The following AVEN variants were observed in gnomAD, a reference collection of about 807,000 sequenced individuals.
The protein encoded by AVEN is cell death regulator Aven.
Under a neutral mutation model 38.1 loss-of-function variants are expected in AVEN, and 41 were observed. That is an observed-to-expected ratio of 1.08 (90% CI 0.84 to 1.40). The LOEUF (loss-of-function observed/expected upper bound fraction) is 1.40, where lower values mean the gene tolerates loss of function less well. Ranked by LOEUF, AVEN falls within the 40% of genes most tolerant of loss-of-function variation. The pLI, the probability that AVEN is intolerant of heterozygous loss-of-function variation, is 0.00. For missense variants in AVEN, 605 were observed against 438.8 expected (o/e 1.38, Z -3.38); for synonymous variants, 206 against 171.8 (o/e 1.20, Z -1.56).
intron 2 of AVEN, among the ~76,000 whole-genome samples, chr15:33,923,557 T>A (rs1223463362): frequency 6.6e-6 from 1 of 152,224 alleles, no homozygotes; most frequent in East Asian, 1.9e-4. Context: ...CTCAACTAGC[T>A]GCTATAGTGC....
At chr15:34,005,067 C>T (rs1191557211) in intron 1 of AVEN, among the ~76,000 whole-genome samples, 1 of 152,014 alleles carries the variant, frequency 6.6e-6, no homozygotes, top group Non-Finnish European at 1.5e-5. Context: ...TATATAAAAA[C>T]CCCAAATTCC....
Position 33,867,541 on chromosome 15 carries a change from C to T in AVEN, c.927G>A (p.Gln309=). Residue 309 remains glutamine, a synonymous_variant, in exon 5 of 6, where the codon CAG becomes CAA. Transcript: ENST00000306730. ...CCCCATCTTCCTTGGATTTCAGGTCCTGAGACGTCTGATCTGGTAAGATGT... is the reference window on the plus strand; with the variant it reads ...CCCCATCTTCCTTGGATTTCAGGTCTTGAGACGTCTGATCTGGTAAGATGT... The part of the protein sequence containing the change: ...GDNILPDQTS[Q]DLKSKEDGEV... 6.2e-7 allele frequency: 1 copy of T among 1,607,778 alleles called. No individual in the cohort carries two copies. Among genetic ancestry groups the T allele is most frequent in the Non-Finnish European group, 8.5e-7 (1 of 1,177,380 alleles).
chr15:34,012,216 T>TA (rs1897666324), intron 1 of AVEN, among the ~76,000 whole-genome samples: 1 of 152,224 alleles, frequency 6.6e-6, no homozygotes, highest in Admixed American at 6.5e-5. Context: ...AATTTGCTTC[T>TA]TGACGTGGTT....
intron 2 of AVEN, among the ~76,000 whole-genome samples, chr15:33,999,365 T>A (rs1407347231): frequency 6.6e-6 from 1 of 152,210 alleles, no homozygotes; most frequent in African/African-American, 2.4e-5. Context: ...AGTGCTTTCA[T>A]TAGACTCTAC....
intron 2 of AVEN, among the ~76,000 whole-genome samples, chr15:33,938,552 A>G (rs1380148294): frequency 1.3e-5 from 2 of 152,236 alleles, no homozygotes; most frequent in Non-Finnish European, 2.9e-5. Context: ...GACTGGGAGA[A>G]AAATATTTGC....
rs141877866 is a variant in AVEN, at chr15:34,069,446, A to T, written n.784+1142T>A. Among the ~76,000 whole-genome samples, 594 of 152,270 alleles carry T rather than the reference A, an allele frequency of 3.9e-3. 26 individuals carry two copies. In the East Asian group the frequency reaches 0.1, roughly 26 times the overall value. The stretch of plus-strand genomic sequence containing the variant: ...CAGCCTGAAAACAGAGAAAGACTTC[A>T]TCTCTAAAAATAAATAAGTAAAACT... On this transcript the variant is annotated intron_variant and non_coding_transcript_variant, in intron 2 of 11. Transcript: ENST00000675287.
At chr15:33,986,803 C>T (rs141991077) in intron 2 of AVEN, among the ~76,000 whole-genome samples, 451 of 151,548 alleles carry the variant, frequency 3.0e-3, no homozygotes, top group African/African-American at 0.01. Context: ...ACTACAGGCA[C>T]GTGCCACCAT....
chr15:33,915,725 G>A (rs1302744959), intron 2 of AVEN, among the ~76,000 whole-genome samples: 1 of 152,216 alleles, frequency 6.6e-6, no homozygotes, highest in Non-Finnish European at 1.5e-5. Context: ...GCCACAGCAG[G>A]TGGGGAGGCC....
chr15:33,862,727 C>T (rs746110803), downstream of AVEN, among the ~76,000 whole-genome samples: 3 of 152,142 alleles, frequency 2.0e-5, no homozygotes, highest in Non-Finnish European at 4.4e-5. Flanking sequence ...TCTCCTGCCT[C>T]AGCCTCCTGA....
intron 2 of AVEN, among the ~76,000 whole-genome samples, chr15:33,970,670 A>AT (rs149502075): frequency 0.014 from 2,171 of 152,004 alleles, 50 homozygotes; most frequent in African/African-American, 0.049. Context: ...ATAATTAAAG[A>AT]TTTTTTAATT....
chr15:33,980,248 A>G (rs1896074855), intron 2 of AVEN, among the ~76,000 whole-genome samples: 1 of 151,230 alleles, frequency 6.6e-6, no homozygotes, highest in Non-Finnish European at 1.5e-5. Context: ...TATAGCTGAC[A>G]GACATGCACA....
intron 2 of AVEN, among the ~76,000 whole-genome samples, chr15:33,984,988 C>T (rs921195971): frequency 7.2e-5 from 11 of 152,088 alleles, no homozygotes; most frequent in African/African-American, 2.7e-4. Context: ...ATCAGAAAAG[C>T]CTCCTTGACC....
chr15:34,007,125 T>C (rs7169003), intron 1 of AVEN: 162,231 of 842,052 alleles, frequency 0.19, 16,401 homozygotes, highest in Middle Eastern at 0.27. Flanking sequence ...ACCTATTATA[T>C]AATCAAACTA....
chr15:33,911,018 G>A (rs1892896357), intron 2 of AVEN, among the ~76,000 whole-genome samples: 1 of 152,224 alleles, frequency 6.6e-6, no homozygotes, highest in Admixed American at 6.5e-5. Context: ...TGGGTTGGGA[G>A]AGAAGCTAAA....
At chr15:33,875,585 T>G (rs1449661917) in intron 3 of AVEN, among the ~76,000 whole-genome samples, 3 of 152,146 alleles carry the variant, frequency 2.0e-5, no homozygotes, top group Non-Finnish European at 4.4e-5. Context: ...GAAAACTAAT[T>G]TTCAACTCTC....
chr15:34,006,672 T>C lies in AVEN; in HGVS notation c.268-3463A>G, dbSNP rs542449067. 3.9e-5 allele frequency among the ~76,000 whole-genome samples: 6 copies of C among 152,322 alleles called. No homozygotes were observed. The South Asian group carries it at 1.2e-3, about 32-fold the overall frequency. On this transcript the variant is annotated intron_variant, in intron 1 of 5. Coordinates refer to ENST00000306730, the MANE Select transcript of AVEN (RefSeq NM_020371.3). The stretch of plus-strand genomic sequence containing the variant: ...TATAATAGGCTGATCCTTATGCATA[T>C]GAATAACTCACCAGTCCCCAAATTA...
At chr15:33,910,279 G>T (rs1274400885) in intron 2 of AVEN, among the ~76,000 whole-genome samples, 1 of 152,254 alleles carries the variant, frequency 6.6e-6, no homozygotes, top group South Asian at 2.1e-4. Flanking sequence ...AAACAAGAGG[G>T]GAAGGTGTGA....
chr15:33,869,501 G>T (rs1413559431), intron 4 of AVEN, among the ~76,000 whole-genome samples: 3 of 152,080 alleles, frequency 2.0e-5, no homozygotes, highest in Non-Finnish European at 4.4e-5. Flanking sequence ...AAGCACTTCA[G>T]AACTTTGAAC....
chr15:33,945,584 GTTTT>G (rs1894474689), intron 2 of AVEN, among the ~76,000 whole-genome samples: 1 of 151,742 alleles, frequency 6.6e-6, no homozygotes, highest in Non-Finnish European at 1.5e-5. Context: ...CTTAGAAAAT[GTTTT>G]GTTTTGGTTT....
Sources: allele counts gnomAD v4.1 joint callset (sites outside exome capture counted in the v4.1 genomes callset), GRCh38; gene constraint gnomAD v4.1.1; transcripts MANE v1.5; gene names NCBI Gene and HGNC (gene_info 2026-07-23, HGNC 2026-07-21).